The following THAP12 variants were observed in gnomAD, a reference collection of about 807,000 sequenced individuals.
THAP12 encodes 52 kDa repressor of the inhibitor of the protein kinase.
A neutral mutation model predicts 63.0 loss-of-function variants in THAP12; 20 were observed. The observed-to-expected ratio is 0.32, with a 90% confidence interval of 0.22 to 0.46. The LOEUF (loss-of-function observed/expected upper bound fraction) is 0.46, where lower values mean the gene tolerates loss of function less well. THAP12 is among the 20% of genes least tolerant of loss of function. The probability of loss-of-function intolerance (pLI) is 1.00; values close to 1 mark genes in which losing one functional copy is unlikely to be tolerated. For synonymous variants in THAP12, 264 were observed against 328.4 expected, an observed-to-expected ratio of 0.80 and a Z score of 2.12; for missense variants, 568 against 908.2, an observed-to-expected ratio of 0.63 and a Z score of 4.81.
At chr11:76,367,568 G>A (rs972560294) in intron 1 of THAP12, among the ~76,000 whole-genome samples, 10 of 151,932 alleles carry the variant, frequency 6.6e-5, no homozygotes, top group African/African-American at 2.2e-4. Flanking sequence ...GATTATAGGC[G>A]TGCACCACGA....
intron 1 of THAP12, among the ~76,000 whole-genome samples, chr11:76,372,536 A>G (rs2134514337): frequency 6.6e-6 from 1 of 151,814 alleles, no homozygotes; most frequent in Non-Finnish European, 1.5e-5. Flanking sequence ...CAGCCTCTCA[A>G]AGTGCTGGGA....
rs75363325 is a variant in THAP12, at chr11:76,379,026, T to A, written c.89+1722A>T. Among the ~76,000 whole-genome samples, 249 of 152,290 alleles carry A rather than the reference T, an allele frequency of 1.6e-3. 9 individuals are homozygous for A. In the East Asian group the frequency reaches 0.046, roughly 28 times the overall value. On this transcript the variant is annotated intron_variant, in intron 1 of 4. Transcript: ENST00000260045. ...CAGCAAATGCTCACGTTAAAAATCT[T>A]GAAGTCGGCTGGGCGCGGTGGCTCA...
rs989894015 is a variant in THAP12, at chr11:76,380,813, G to C, written c.24C>G (p.Pro8=). ...ACTGCGTGCTCTTCCGCGTGCAGTT[G>C]GGGGCAGCGCAGAAGTTCGGCATCG... MPNFCAA[P]NCTRKSTQSD... is the part of the protein sequence containing the mutation. The change falls in exon 1 of 5, where the codon CCC becomes CCG. Residue 8 remains proline, a synonymous_variant. Transcript: ENST00000260045. 3 of 1,454,074 alleles carry C rather than the reference G, an allele frequency of 2.1e-6. No individual in the cohort carries two copies. Among genetic ancestry groups the C allele is most frequent in the Non-Finnish European group, 2.7e-6 (3 of 1,096,210 alleles). The allele number at this position is 1,454,074 out of a possible 1,614,324, so 90.1% of individuals were successfully genotyped here.
chr11:76,360,511 GT>G (rs1301321096), intron 3 of THAP12, among the ~76,000 whole-genome samples: 2 of 152,084 alleles, frequency 1.3e-5, no homozygotes, highest in Non-Finnish European at 2.9e-5. Context: ...AAATTTCAGT[GT>G]TTTTTTCTAA....
chr11:76,372,192 G>A (rs1466550157), intron 1 of THAP12, among the ~76,000 whole-genome samples: 2 of 151,986 alleles, frequency 1.3e-5, no homozygotes, highest in African/African-American at 2.4e-5. Flanking sequence ...GGGCTCAAGC[G>A]ATCCTCCCGC....
chr11:76,376,096 GT>G (rs1427168197), intron 1 of THAP12, among the ~76,000 whole-genome samples: 2 of 152,126 alleles, frequency 1.3e-5, no homozygotes, highest in African/African-American at 4.8e-5. Flanking sequence ...TACAGTTTTT[GT>G]TTGGGATAAA....
chr11:76,356,743 T>C (rs896087717), intron 3 of THAP12: 4 of 152,166 alleles, frequency 2.6e-5, no homozygotes, highest in Admixed American at 2.0e-4. Flanking sequence ...CTAGGTATTA[T>C]TTGAAAATGG....
At chr11:76,376,377 G>A (rs1428131644) in intron 1 of THAP12, among the ~76,000 whole-genome samples, 1 of 152,232 alleles carries the variant, frequency 6.6e-6, no homozygotes, top group African/African-American at 2.4e-5. Flanking sequence ...GAGACTTCGT[G>A]TGATCCTGGG....
intron 2 of THAP12, among the ~76,000 whole-genome samples, chr11:76,363,222 T>C (rs1424032096): frequency 1.3e-5 from 2 of 152,216 alleles, no homozygotes; most frequent in South Asian, 2.1e-4. Context: ...ATACTACGTA[T>C]GATACCAAGT....
chr11:76,361,123 A>C, intron 2 of THAP12, 60 bp from the exon 3 acceptor site: 1 of 1,094,642 alleles, frequency 9.1e-7, no homozygotes, highest in Non-Finnish European at 1.4e-6. Flanking sequence ...ACACATCAAT[A>C]AAATTCTATG....
At position 76,350,812 on chromosome 11, in the gene THAP12, C is replaced by T. The variant is rs1467452071; in HGVS notation, c.*52G>A. 6.8e-6 allele frequency: 10 copies of T among 1,475,206 alleles called. No homozygotes were observed. The highest frequency in any genetic ancestry group is 2.9e-5 in the South Asian group (2 of 68,952). The allele number at this position is 1,475,206 out of a possible 1,614,324, so 91.4% of individuals were successfully genotyped here. On this transcript the variant is annotated 3_prime_UTR_variant, in exon 5 of 5. Coordinates refer to ENST00000260045, the MANE Select transcript of THAP12 (RefSeq NM_004705.4). The stretch of plus-strand genomic sequence containing the variant: ...GATTAAGTGGTCTACATACACCTTA[C>T]GGCTTTTTCTTCCAAATATCAAATA...
intron 4 of THAP12, among the ~76,000 whole-genome samples, chr11:76,354,001 TCC>T (rs968030152): frequency 8.5e-5 from 13 of 152,180 alleles, no homozygotes; most frequent in Non-Finnish European, 2.9e-5. Flanking sequence ...AGAGTGAGAC[TCC>T]GTCTCAAAAA....
intron 3 of THAP12, 31 bp downstream of exon 3, chr11:76,360,925 A>T (rs780077762): frequency 4.3e-6 from 6 of 1,400,340 alleles, no homozygotes; most frequent in Admixed American, 3.4e-5. Context: ...TTATGGGGGA[A>T]GGTGGGAAAG....
rs761803180 is a variant in THAP12 at position 76,352,290 on chromosome 11, T to C, written c.860A>G (p.His287Arg). ...PVLVRFVDES[H>R]NLREEFIGFL... ...GCCTATAAATTCCTCTCTTAGGTTA[T>C]GAGATTCATCAACAAACCTCACCAA... The change falls in exon 5 of 5, where the codon CAT (histidine) becomes CGT (arginine). Residue 287 changes from histidine (H) to arginine (R), a missense_variant. His to Arg is a conservative substitution (Grantham distance 29). Coordinates refer to ENST00000260045, the MANE Select transcript of THAP12 (RefSeq NM_004705.4). 13 of 1,610,900 alleles carry C rather than the reference T, an allele frequency of 8.1e-6. No homozygotes were observed. In the Admixed American group the frequency reaches 1.2e-4, roughly 14 times the overall value.
At chr11:76,369,411 T>C (rs1224704661) in intron 1 of THAP12, among the ~76,000 whole-genome samples, 2 of 152,234 alleles carry the variant, frequency 1.3e-5, no homozygotes, top group Non-Finnish European at 2.9e-5. Context: ...ATGATTCCTT[T>C]GATATGAAAT....
chr11:76,363,062 G>T (rs1265924060), intron 2 of THAP12, among the ~76,000 whole-genome samples: 1 of 152,186 alleles, frequency 6.6e-6, no homozygotes, highest in African/African-American at 2.4e-5. Flanking sequence ...AGGATTGCTT[G>T]AGCCTGGGAG....
At chr11:76,380,539 G>C (rs1179663935) in intron 1 of THAP12, among the ~76,000 whole-genome samples, 1 of 152,178 alleles carries the variant, frequency 6.6e-6, no homozygotes, top group East Asian at 1.9e-4. Flanking sequence ...GCCCCCACCA[G>C]CGCACGTGCT....
chr11:76,350,690 T>A lies in THAP12; in HGVS notation c.*174A>T. 1.9e-6 allele frequency: 1 copy of A among 536,308 alleles called. No individual in the cohort carries two copies. The highest frequency in any genetic ancestry group is 3.0e-6 in the Non-Finnish European group (1 of 337,430). 33.2% of individuals were successfully genotyped at this position (536,308 alleles called of 1,614,324 possible). The stretch of plus-strand genomic sequence containing the variant: ...GTTCTCTTCTGGAAGAACAGGTAGG[T>A]CTTCAAAGCTTGAGAGTTCAAACAG... On this transcript the variant is annotated 3_prime_UTR_variant, in exon 5 of 5. Transcript: ENST00000260045.
chr11:76,370,667 T>C (rs1946666996), intron 1 of THAP12, among the ~76,000 whole-genome samples: 1 of 151,930 alleles, frequency 6.6e-6, no homozygotes. Flanking sequence ...GTAGCTCTTC[T>C]ATGTATACGT....
Sources: gnomAD v4.1 joint callset for allele counts (sites outside exome capture counted in the v4.1 genomes callset) on GRCh38, gnomAD v4.1.1 for gene constraint, MANE v1.5 for transcripts, NCBI Gene and HGNC (gene_info 2026-07-23, HGNC 2026-07-21) for gene names.